PAG1: variants seen among roughly 807,000 people sequenced by gnomAD.
The protein encoded by PAG1 is phosphoprotein membrane anchor with glycosphingolipid microdomains 1.
In PAG1, 23 loss-of-function variants were observed where a neutral mutation model predicts 31.7. That is an observed-to-expected ratio of 0.73 (90% CI 0.52 to 1.03). PAG1 has a LOEUF of 1.03. PAG1 is among the 50% of genes least tolerant of loss of function. The pLI, the probability that PAG1 is intolerant of heterozygous loss-of-function variation, is 0.00. For synonymous variants in PAG1, 214 were observed against 210.3 expected (o/e 1.02, Z -0.15); for missense variants, 473 against 540.7 (o/e 0.87, Z 1.24).
At chr8:81,087,396 T>C (rs73280000) in intron 1 of PAG1, among the ~76,000 whole-genome samples, 3,148 of 151,218 alleles carry the variant, frequency 0.021, 105 homozygotes, top group African/African-American at 0.072. Context: ...AGTGACTACA[T>C]GTGCCCTTGT....
chr8:81,020,287 G>A (rs1236363830), intron 3 of PAG1, among the ~76,000 whole-genome samples: 4 of 152,250 alleles, frequency 2.6e-5, no homozygotes, highest in African/African-American at 7.2e-5. Context: ...GGCATGATTG[G>A]TTTTGAAATG....
intron 1 of PAG1, among the ~76,000 whole-genome samples, chr8:81,097,320 A>C (rs1050379202): frequency 6.6e-6 from 1 of 152,208 alleles, no homozygotes; most frequent in Non-Finnish European, 1.5e-5. Context: ...ATGTCATTAA[A>C]TGTGGAATGG....
At chr8:81,057,413 CT>C (rs1334324968) in intron 2 of PAG1, among the ~76,000 whole-genome samples, 1 of 151,984 alleles carries the variant, frequency 6.6e-6, no homozygotes, top group Non-Finnish European at 1.5e-5. Flanking sequence ...AGTTCATGTC[CT>C]TCATAGGGAC....
In PAG1 at chr8:81,102,329, T is replaced by C. The variant is rs187655303; in HGVS notation, c.-234+9262A>G. On this transcript the variant is annotated intron_variant, in intron 1 of 8. Transcript: ENST00000220597. Reference sequence around the variant, plus strand: ...GTTTTTTAAAACTTTTTAAAATTTATAAATGTATTGTTATTTTTAAAAATC... The same window carrying C: ...GTTTTTTAAAACTTTTTAAAATTTACAAATGTATTGTTATTTTTAAAAATC... Among the ~76,000 whole-genome samples, 4 of 152,300 alleles carry C rather than the reference T, an allele frequency of 2.6e-5. No individual in the cohort carries two copies. In the East Asian group the frequency reaches 5.8e-4, roughly 22 times the overall value.
intron 1 of PAG1, among the ~76,000 whole-genome samples, chr8:81,104,104 A>G (rs1327172132): frequency 1.3e-5 from 2 of 152,112 alleles, no homozygotes; most frequent in African/African-American, 4.8e-5. Flanking sequence ...CACCTTCCAC[A>G]TGGTAGGTCT....
chr8:80,982,512 C>T (rs1258927895), intron 7 of PAG1, among the ~76,000 whole-genome samples: 1 of 152,168 alleles, frequency 6.6e-6, no homozygotes, highest in Non-Finnish European at 1.5e-5. Flanking sequence ...ACTCACCTAT[C>T]CTGTGACCTC....
intron 3 of PAG1, chr8:81,029,685 G>A (rs898588915): frequency 6.6e-6 from 1 of 152,028 alleles, no homozygotes; most frequent in African/African-American, 2.4e-5. Flanking sequence ...AACCCCGCTG[G>A]CTTTTGTGTT....
chr8:81,019,544 G>A (rs1482775057), intron 3 of PAG1, among the ~76,000 whole-genome samples: 3 of 152,246 alleles, frequency 2.0e-5, no homozygotes, highest in Admixed American at 2.0e-4. Flanking sequence ...TTGCTTCAGA[G>A]GGTGCAAGCC....
Position 80,971,190 on chromosome 8 carries a change from T to A in PAG1, c.*5354A>T, listed in dbSNP as rs1195767818. On this transcript the variant is annotated 3_prime_UTR_variant, in exon 9 of 9. Coordinates refer to ENST00000220597, the MANE Select transcript of PAG1 (RefSeq NM_018440.4). ...TCTCACTCTTTTGTGAATTGGACAA[T>A]TTGACCATTATGAAGATCTTTTGAA... 2 of 152,246 alleles carry A rather than the reference T, an allele frequency of 1.3e-5. No individual in the cohort carries two copies. The highest frequency in any genetic ancestry group is 4.8e-5 in the African/African-American group (2 of 41,462). 9.4% of individuals were successfully genotyped at this position (152,246 alleles called of 1,614,324 possible).
intron 3 of PAG1, among the ~76,000 whole-genome samples, chr8:81,016,120 G>A (rs1808068153): frequency 6.6e-6 from 1 of 152,164 alleles, no homozygotes; most frequent in Non-Finnish European, 1.5e-5. Context: ...GCTGACCAAA[G>A]ACACAGGCAT....
intron 3 of PAG1, among the ~76,000 whole-genome samples, chr8:81,010,823 A>G (rs896123935): frequency 6.6e-6 from 1 of 152,224 alleles, no homozygotes; most frequent in Non-Finnish European, 1.5e-5. Context: ...GGTCTCCTTG[A>G]CCATGACTTC....
rs1006304131 is a variant in PAG1, at chr8:80,970,960, C to T, written c.*5584G>A. 1 of 152,688 alleles carries T rather than the reference C, an allele frequency of 6.5e-6. No individual in the cohort carries two copies. Among genetic ancestry groups the T allele is most frequent in the Non-Finnish European group, 1.5e-5 (1 of 68,162 alleles). 9.5% of individuals were successfully genotyped at this position (152,688 alleles called of 1,614,324 possible). On this transcript the variant is annotated 3_prime_UTR_variant, in exon 9 of 9. Transcript: ENST00000220597. Reference sequence around the variant, plus strand: ...GTGGGGAAGCGACCCAGGGGTATTGCCACACAAAGCGATAGGCCAGCTAAG... The same window carrying T: ...GTGGGGAAGCGACCCAGGGGTATTGTCACACAAAGCGATAGGCCAGCTAAG...
intron 3 of PAG1, among the ~76,000 whole-genome samples, chr8:81,016,453 G>A (rs16908326): frequency 0.029 from 4,404 of 152,142 alleles, 205 homozygotes; most frequent in African/African-American, 0.1. Flanking sequence ...CTCAGTTGTC[G>A]GCTAGACATA....
rs139179196 is a variant in PAG1 at position 81,111,040 on chromosome 8, A to G, written c.-234+551T>C. On this transcript the variant is annotated intron_variant, in intron 1 of 8. Coordinates refer to ENST00000220597, the MANE Select transcript of PAG1 (RefSeq NM_018440.4). ...TTAAAGTGTATGAATTCACACGCCC[A>G]GAGCTCGTTTTATTTGCCTTAGGGC... 1.2e-3 allele frequency among the ~76,000 whole-genome samples: 178 copies of G among 152,372 alleles called. 1 individual carries two copies. The highest frequency in any genetic ancestry group is 4.1e-3 in the African/African-American group (169 of 41,590).
intron 3 of PAG1, among the ~76,000 whole-genome samples, chr8:81,005,643 G>A (rs943752696): frequency 6.6e-6 from 1 of 152,236 alleles, no homozygotes; most frequent in Non-Finnish European, 1.5e-5. Context: ...TTCTGAGCAA[G>A]TGCGTGTTCT....
At chr8:81,049,493 CTAAA>C (rs1384982209) in intron 2 of PAG1, among the ~76,000 whole-genome samples, 6 of 151,974 alleles carry the variant, frequency 3.9e-5, no homozygotes, top group South Asian at 2.1e-4. Flanking sequence ...ACAATTATAC[CTAAA>C]TAAATATAGG....
At chr8:81,050,933 T>C (rs1808718041) in intron 2 of PAG1, among the ~76,000 whole-genome samples, 1 of 152,354 alleles carries the variant, frequency 6.6e-6, no homozygotes, top group South Asian at 2.1e-4. Context: ...GTAGAGAAGG[T>C]GGCCAAAGTG....
chr8:81,106,218 G>T (rs956957279), intron 1 of PAG1, among the ~76,000 whole-genome samples: 1 of 151,960 alleles, frequency 6.6e-6, no homozygotes, highest in Non-Finnish European at 1.5e-5. Context: ...GCTAATTTTT[G>T]TATTTTTAGT....
intron 1 of PAG1, among the ~76,000 whole-genome samples, chr8:81,071,176 G>T (rs1398649138): frequency 2.6e-5 from 4 of 152,176 alleles, no homozygotes; most frequent in Non-Finnish European, 4.4e-5. Context: ...AAGCAAGGTG[G>T]TAATTCCTCC....
Sources: gnomAD v4.1 joint callset for allele counts (sites outside exome capture counted in the v4.1 genomes callset) on GRCh38, gnomAD v4.1.1 for gene constraint, MANE v1.5 for transcripts, NCBI Gene and HGNC (gene_info 2026-07-23, HGNC 2026-07-21) for gene names.